WWOX: variants seen among roughly 807,000 people sequenced by gnomAD.
WWOX encodes WW domain-containing oxidoreductase.
A neutral mutation model predicts 46.2 loss-of-function variants in WWOX; 69 were observed. That is an observed-to-expected ratio of 1.49 (90% CI 1.23 to 1.82). WWOX has a LOEUF of 1.82. Among genes scored for constraint, WWOX ranks in the 40% most tolerant of loss-of-function variants. WWOX has a pLI of 0.00. For synonymous variants in WWOX, 359 were observed against 202.6 expected, an observed-to-expected ratio of 1.77 and a Z score of -6.56; for missense variants, 919 against 542.6, an observed-to-expected ratio of 1.69 and a Z score of -6.89.
At chr16:79,177,104 C>G (rs1240450079) in intron 8 of WWOX, among the ~76,000 whole-genome samples, 1 of 152,182 alleles carries the variant, frequency 6.6e-6, no homozygotes, top group East Asian at 1.9e-4. Flanking sequence ...TGGCTTCACA[C>G]TCAGTGCACA....
chr16:78,878,650 G>T (rs1473691533), intron 8 of WWOX, among the ~76,000 whole-genome samples: 1 of 152,082 alleles, frequency 6.6e-6, no homozygotes, highest in African/African-American at 2.4e-5. Flanking sequence ...TGCATGTGAG[G>T]GTTCTGTAAA....
At chr16:78,170,658 A>G (rs1463795640) in intron 5 of WWOX, among the ~76,000 whole-genome samples, 1 of 152,350 alleles carries the variant, frequency 6.6e-6, no homozygotes, top group Non-Finnish European at 1.5e-5. Context: ...AGTGTAGCTC[A>G]TATTAGCACT....
chr16:78,437,003 C>T (rs1158490600), intron 8 of WWOX, among the ~76,000 whole-genome samples: 2 of 152,164 alleles, frequency 1.3e-5, no homozygotes, highest in Non-Finnish European at 2.9e-5. Flanking sequence ...GATGCAATGT[C>T]CCTATCACCA....
chr16:78,485,916 C>G (rs1261928408), intron 8 of WWOX, among the ~76,000 whole-genome samples: 1 of 152,214 alleles, frequency 6.6e-6, no homozygotes, highest in Non-Finnish European at 1.5e-5. Context: ...AGGAAGCTTC[C>G]ATGGATACGT....
intron 8 of WWOX, among the ~76,000 whole-genome samples, chr16:78,594,361 C>T (rs577542205): frequency 5.5e-5 from 8 of 146,020 alleles, no homozygotes; most frequent in Non-Finnish European, 4.4e-5. Flanking sequence ...CATATTCTTG[C>T]ATTTGCTGCA....
At chr16:78,746,789 C>T (rs1484532841) in intron 8 of WWOX, among the ~76,000 whole-genome samples, 1 of 152,062 alleles carries the variant, frequency 6.6e-6, no homozygotes, top group African/African-American at 2.4e-5. Flanking sequence ...CAAACCCAGT[C>T]AATATCAGGC....
At chr16:78,931,598 G>C (rs1042463231) in intron 8 of WWOX, among the ~76,000 whole-genome samples, 5 of 152,208 alleles carry the variant, frequency 3.3e-5, no homozygotes, top group African/African-American at 9.7e-5. Flanking sequence ...TAGTCTAATA[G>C]AGGAGGCACA....
intron 6 of WWOX, among the ~76,000 whole-genome samples, chr16:78,417,658 C>A (rs1246190700): frequency 6.6e-6 from 1 of 152,212 alleles, no homozygotes; most frequent in East Asian, 1.9e-4. Flanking sequence ...TCCTGTCTTA[C>A]TACAATATAT....
At chr16:78,990,149 A>G (rs1363638040) in intron 8 of WWOX, among the ~76,000 whole-genome samples, 1 of 150,004 alleles carries the variant, frequency 6.7e-6, no homozygotes, top group East Asian at 2.0e-4. Flanking sequence ...TTGCCACTGC[A>G]CACCAGCCTG....
intron 8 of WWOX, among the ~76,000 whole-genome samples, chr16:79,049,231 G>C (rs1259465176): frequency 6.6e-6 from 1 of 152,226 alleles, no homozygotes; most frequent in African/African-American, 2.4e-5. Flanking sequence ...GGCTGTGGCT[G>C]TGTGCCAATT....
intron 8 of WWOX, among the ~76,000 whole-genome samples, chr16:78,624,661 A>T (rs181269480): frequency 1.3e-5 from 2 of 152,066 alleles, no homozygotes; most frequent in South Asian, 2.1e-4. Flanking sequence ...GGGGGAAAAA[A>T]CCCTCACTTT....
At chr16:78,817,115 T>C (rs912174810) in intron 8 of WWOX, among the ~76,000 whole-genome samples, 1 of 148,444 alleles carries the variant, frequency 6.7e-6, no homozygotes, top group African/African-American at 2.5e-5. Context: ...AGCTAAGGAA[T>C]GAAAAGTTGC....
chr16:78,875,100 G>A (rs571382365), intron 8 of WWOX, among the ~76,000 whole-genome samples: 9 of 152,204 alleles, frequency 5.9e-5, no homozygotes, highest in Non-Finnish European at 8.8e-5. Flanking sequence ...CAGCAGACTC[G>A]GTGGATTCTG....
intron 8 of WWOX, among the ~76,000 whole-genome samples, chr16:78,697,516 G>T (rs2048126599): frequency 6.6e-6 from 1 of 152,006 alleles, no homozygotes; most frequent in Admixed American, 6.6e-5. Context: ...TCTATACAAG[G>T]ACTAATATCC....
At chr16:78,359,204 C>T (rs1190389568) in intron 5 of WWOX, among the ~76,000 whole-genome samples, 3 of 152,142 alleles carry the variant, frequency 2.0e-5, no homozygotes, top group African/African-American at 2.4e-5. Context: ...GTATTACTTG[C>T]TAGGTGAGCT....
At chr16:78,870,497 G>A (rs1156772187) in intron 8 of WWOX, among the ~76,000 whole-genome samples, 1 of 150,994 alleles carries the variant, frequency 6.6e-6, no homozygotes, top group Non-Finnish European at 1.5e-5. Context: ...TTTTTTCTGT[G>A]TCAGATTAAA....
At chr16:78,800,614 A>G (rs2050861268) in intron 8 of WWOX, among the ~76,000 whole-genome samples, 1 of 152,192 alleles carries the variant, frequency 6.6e-6, no homozygotes, top group Middle Eastern at 3.2e-3. Flanking sequence ...CCTTTGCTAA[A>G]TGGCTTGCAG....
At chr16:78,935,536 A>G (rs186356584) in intron 8 of WWOX, among the ~76,000 whole-genome samples, 1 of 148,550 alleles carries the variant, frequency 6.7e-6, no homozygotes, top group East Asian at 2.0e-4. Context: ...TGTTCTCACT[A>G]ATAGGTGGGA....
At chr16:78,794,265 T>G (rs1431859969) in intron 8 of WWOX, among the ~76,000 whole-genome samples, 1 of 152,146 alleles carries the variant, frequency 6.6e-6, no homozygotes, top group Non-Finnish European at 1.5e-5. Context: ...ATTTGCTGCT[T>G]CCTTGATCTT....
Sources: gnomAD v4.1 joint callset for allele counts (sites outside exome capture counted in the v4.1 genomes callset) on GRCh38, gnomAD v4.1.1 for gene constraint, MANE v1.5 for transcripts, NCBI Gene and HGNC (gene_info 2026-07-23, HGNC 2026-07-21) for gene names.